The following ADAMTS6 variants were observed in gnomAD, a reference collection of about 807,000 sequenced individuals.
The protein encoded by ADAMTS6 is A disintegrin and metalloproteinase with thrombospondin motifs 6.
In ADAMTS6, 23 loss-of-function variants were observed where a neutral mutation model predicts 144.3. The ratio of observed to expected loss-of-function variants is 0.16; its 90% CI spans 0.11 to 0.23. The LOEUF (loss-of-function observed/expected upper bound fraction) is 0.23, where lower values mean the gene tolerates loss of function less well. ADAMTS6 is among the 10% of genes least tolerant of loss of function. The pLI is 1.00. For synonymous variants in ADAMTS6, 444 were observed against 457.5 expected, an observed-to-expected ratio of 0.97 and a Z score of 0.38; for missense variants, 999 against 1,379.6, an observed-to-expected ratio of 0.72 and a Z score of 4.37.
chr5:65,348,356 C>A (rs962002266), intron 7 of ADAMTS6, among the ~76,000 whole-genome samples: 27 of 152,020 alleles, frequency 1.8e-4, no homozygotes, highest in African/African-American at 6.5e-4. Flanking sequence ...TTATTTAAGA[C>A]AACATAGATG....
intron 9 of ADAMTS6, among the ~76,000 whole-genome samples, chr5:65,313,178 CAG>C (rs1470152366): frequency 2.8e-5 from 4 of 144,074 alleles, no homozygotes; most frequent in Non-Finnish European, 4.6e-5. Context: ...CACACACACA[CAG>C]AGTTTATTCT....
At chr5:65,298,256 A>G (rs1463244427) in intron 10 of ADAMTS6, among the ~76,000 whole-genome samples, 1 of 152,144 alleles carries the variant, frequency 6.6e-6, no homozygotes, top group Non-Finnish European at 1.5e-5. Context: ...AATATAGCCA[A>G]TGGGACAGAC....
At position 65,423,944 on chromosome 5, in the gene ADAMTS6, C is replaced by T. The variant is rs375041531; in HGVS notation, c.1073+27531G>A. Among the ~76,000 whole-genome samples the T allele has an allele frequency of 7.9e-5, 12 of 152,094 alleles. 1 individual carries two copies. The South Asian group carries it at 2.3e-3, about 29-fold the overall frequency. On this transcript the variant is annotated intron_variant, in intron 7 of 24. Coordinates refer to ENST00000381055, the MANE Select transcript of ADAMTS6 (RefSeq NM_197941.4). ...CATATAACTCATCAATATGTATTGA[C>T]TATTTATCTTAATTTTTTTCTTTCT...
At chr5:65,365,219 G>T (rs1022978344) in intron 7 of ADAMTS6, among the ~76,000 whole-genome samples, 1 of 151,662 alleles carries the variant, frequency 6.6e-6, no homozygotes. Flanking sequence ...CCAAGATTAG[G>T]GACAATAATA....
At chr5:65,477,127 T>C (rs1434733980) in intron 1 of ADAMTS6, among the ~76,000 whole-genome samples, 1 of 152,234 alleles carries the variant, frequency 6.6e-6, no homozygotes, top group Non-Finnish European at 1.5e-5. Flanking sequence ...AACCTACTTA[T>C]ATACAGATTC....
intron 7 of ADAMTS6, among the ~76,000 whole-genome samples, chr5:65,388,014 C>A (rs148169328): frequency 1.1e-5 from 1 of 88,634 alleles, no homozygotes; most frequent in Non-Finnish European, 2.2e-5. Flanking sequence ...AATTCAAGAC[C>A]AGCCTGGCCA....
At chr5:65,371,087 C>T (rs1465778540) in intron 7 of ADAMTS6, among the ~76,000 whole-genome samples, 2 of 152,150 alleles carry the variant, frequency 1.3e-5, no homozygotes, top group African/African-American at 4.8e-5. Context: ...GGAAAACTAA[C>T]AAATAGGACA....
intron 7 of ADAMTS6, among the ~76,000 whole-genome samples, chr5:65,374,689 G>A (rs960478565): frequency 9.9e-5 from 15 of 152,154 alleles, no homozygotes; most frequent in Non-Finnish European, 1.6e-4. Context: ...ACTGCCCAAC[G>A]TAATTTACAG....
chr5:65,276,176 G>A (rs1328987099), intron 11 of ADAMTS6, among the ~76,000 whole-genome samples: 1 of 152,166 alleles, frequency 6.6e-6, no homozygotes, highest in Non-Finnish European at 1.5e-5. Flanking sequence ...TTAATCTGAA[G>A]ATTCACAATA....
At chr5:65,468,436 CAAAAAAAAA>C (rs60362335) in intron 3 of ADAMTS6, among the ~76,000 whole-genome samples, 2 of 70,368 alleles carry the variant, frequency 2.8e-5, no homozygotes, top group Admixed American at 1.5e-4. Context: ...GACCCTGTCT[CAAAAAAAAA>C]AAAAAAAAAA....
chr5:65,160,713 C>T lies in ADAMTS6; in HGVS notation c.3245-8768G>A, dbSNP rs12172988. Among the ~76,000 whole-genome samples the T allele has an allele frequency of 2.0e-4, 28 of 140,676 alleles. No homozygotes were observed. The East Asian group carries it at 2.7e-3, about 14-fold the overall frequency. 92.3% of individuals were successfully genotyped at this position (140,676 alleles called of 152,430 possible). A position where few individuals can be genotyped will look rare whatever the true frequency, so the allele number is the denominator to read the frequency against. ...TGTTGCCCAGGCTGGAGTGCAATGG[C>T]GTGATCTCAGCTGACCGCAACTTCT... On this transcript the variant is annotated intron_variant, in intron 24 of 24. Coordinates refer to ENST00000381055, the MANE Select transcript of ADAMTS6 (RefSeq NM_197941.4).
chr5:65,187,557 T>C (rs1188441493), intron 22 of ADAMTS6, among the ~76,000 whole-genome samples: 1 of 152,190 alleles, frequency 6.6e-6, no homozygotes, highest in Non-Finnish European at 1.5e-5. Context: ...ATTAGGCTGC[T>C]ACATTACTTG....
chr5:65,407,589 T>A (rs181055937), intron 7 of ADAMTS6, among the ~76,000 whole-genome samples: 19 of 149,280 alleles, frequency 1.3e-4, no homozygotes, highest in African/African-American at 4.7e-4. Flanking sequence ...ACATGCGGTG[T>A]TTGGTTTTTT....
At chr5:65,460,610 G>A (rs1318679559) in intron 3 of ADAMTS6, among the ~76,000 whole-genome samples, 2 of 152,162 alleles carry the variant, frequency 1.3e-5, no homozygotes, top group Non-Finnish European at 1.5e-5. Flanking sequence ...GACTCTGTGA[G>A]GTAACAGATT....
intron 9 of ADAMTS6, among the ~76,000 whole-genome samples, chr5:65,324,135 T>C (rs982153700): frequency 6.6e-6 from 1 of 152,214 alleles, no homozygotes; most frequent in Non-Finnish European, 1.5e-5. Flanking sequence ...ATATCCCAAT[T>C]GTCAATTTTG....
intron 24 of ADAMTS6, among the ~76,000 whole-genome samples, chr5:65,161,204 G>A (rs2112000269): frequency 6.6e-6 from 1 of 151,750 alleles, no homozygotes; most frequent in South Asian, 2.1e-4. Flanking sequence ...TACCCAGCTA[G>A]TTTTTAAATT....
Position 65,172,862 on chromosome 5 carries a change from A to G in ADAMTS6, c.3057T>C (p.Pro1019=), listed in dbSNP as rs1753720909. Residue 1019 remains proline (P), a synonymous_variant, in exon 23 of 25, where the codon CCT becomes CCC. Transcript: ENST00000381055. ...RIRCSLGRCP[P]PRWVTGDWGQ... ...CCCAGTCTCCTGTGACCCAGCGAGG[A>G]GGAGGGCAGCGGCCCAAACTGCAGC... 1 of 1,614,196 alleles carries G rather than the reference A, an allele frequency of 6.2e-7. No individual in the cohort carries two copies. Among genetic ancestry groups the G allele is most frequent in the Non-Finnish European group, 8.5e-7 (1 of 1,180,032 alleles).
intron 7 of ADAMTS6, among the ~76,000 whole-genome samples, chr5:65,445,557 G>A (rs1186149857): frequency 1.3e-5 from 2 of 152,108 alleles, no homozygotes; most frequent in Non-Finnish European, 2.9e-5. Context: ...GGCTAGGCTG[G>A]TCTTGAACTC....
intron 15 of ADAMTS6, among the ~76,000 whole-genome samples, chr5:65,237,398 A>AT (rs1758752539): frequency 7.6e-6 from 1 of 130,910 alleles, no homozygotes; most frequent in Admixed American, 8.1e-5. Flanking sequence ...AAAAAAAAAA[A>AT]AAAAAAAGAA....
Sources: gnomAD v4.1 joint callset for allele counts (sites outside exome capture counted in the v4.1 genomes callset) on GRCh38, gnomAD v4.1.1 for gene constraint, MANE v1.5 for transcripts, NCBI Gene and HGNC (gene_info 2026-07-23, HGNC 2026-07-21) for gene names.